The following GLIS3 variants were observed in gnomAD, a reference collection of about 807,000 sequenced individuals.
GLIS3 encodes the protein GLIS family zinc finger 3, also known as zinc finger protein GLIS3.
Under a neutral mutation model 78.6 loss-of-function variants are expected in GLIS3, and 53 were observed. The observed-to-expected ratio is 0.67, with a 90% CI of 0.54 to 0.85. The LOEUF is 0.85. Ranked by LOEUF, GLIS3 falls within the 40% of genes least tolerant of loss-of-function variation. The pLI, the probability that GLIS3 is intolerant of heterozygous loss-of-function variation, is 0.00. For missense variants in GLIS3, 1,703 were observed against 1,231.1 expected, an observed-to-expected ratio of 1.38 and a Z score of -5.74; for synonymous variants, 684 against 509.9, an observed-to-expected ratio of 1.34 and a Z score of -4.60.
intron 2 of GLIS3, among the ~76,000 whole-genome samples, chr9:4,203,588 C>G (rs1819595631): frequency 6.6e-6 from 1 of 152,008 alleles, no homozygotes; most frequent in African/African-American, 2.4e-5. Flanking sequence ...CCCCACAATC[C>G]CATTACTGGA....
chr9:3,884,884 A>G (rs758723429), intron 7 of GLIS3, among the ~76,000 whole-genome samples: 2 of 152,134 alleles, frequency 1.3e-5, no homozygotes, highest in African/African-American at 4.8e-5. Context: ...AAAACACATA[A>G]AAGTGTTGTG....
rs962183324 is a variant in GLIS3 at position 4,237,203 on chromosome 9, C to T, written c.388+48835G>A. 2.8e-5 allele frequency among the ~76,000 whole-genome samples: 4 copies of T among 145,054 alleles called. No individual in the cohort carries two copies. In the Admixed American group the frequency reaches 2.8e-4, roughly 10 times the overall value. On this transcript the variant is annotated intron_variant, in intron 2 of 10. Transcript: ENST00000381971. ...GTATTATAGCAGGTTATTTAGAATACAGAAAATATCCTTCAAAATAACCTA... is the reference window on the plus strand; with the variant it reads ...GTATTATAGCAGGTTATTTAGAATATAGAAAATATCCTTCAAAATAACCTA...
At chr9:4,216,719 G>C (rs944118591) in intron 2 of GLIS3, among the ~76,000 whole-genome samples, 1 of 152,074 alleles carries the variant, frequency 6.6e-6, no homozygotes, top group African/African-American at 2.4e-5. Context: ...ATGTGGCCTA[G>C]GATTCAGGTT....
chr9:4,051,563 G>C (rs901275216), intron 4 of GLIS3, among the ~76,000 whole-genome samples: 1 of 152,148 alleles, frequency 6.6e-6, no homozygotes, highest in African/African-American at 2.4e-5. Flanking sequence ...GGCCTAACTA[G>C]TATTTTATTC....
chr9:3,915,462 G>A (rs367558280), intron 6 of GLIS3, among the ~76,000 whole-genome samples: 1 of 152,074 alleles, frequency 6.6e-6, no homozygotes, highest in East Asian at 1.9e-4. Context: ...AAACAAGACC[G>A]GGTCAAGAGG....
intron 2 of GLIS3, among the ~76,000 whole-genome samples, chr9:4,218,707 T>A (rs1376030332): frequency 5.3e-5 from 8 of 152,250 alleles, no homozygotes; most frequent in Non-Finnish European, 2.9e-5. Flanking sequence ...TTTTTATGTT[T>A]ATTAATTTTG....
chr9:3,838,648 T>A (rs1818516287), intron 9 of GLIS3, among the ~76,000 whole-genome samples: 1 of 152,204 alleles, frequency 6.6e-6, no homozygotes, highest in Non-Finnish European at 1.5e-5. Context: ...AAACACTCCC[T>A]GTCTAGGTTA....
chr9:4,072,762 T>C (rs1489863414), intron 4 of GLIS3, among the ~76,000 whole-genome samples: 7 of 151,972 alleles, frequency 4.6e-5, no homozygotes, highest in African/African-American at 1.7e-4. Flanking sequence ...TTGTTGTTGT[T>C]ATATCACTGT....
chr9:4,168,721 T>C (rs1816103613), intron 2 of GLIS3, among the ~76,000 whole-genome samples: 2 of 152,214 alleles, frequency 1.3e-5, no homozygotes, highest in Non-Finnish European at 2.9e-5. Flanking sequence ...CTTTCAACAA[T>C]GCCAAATACT....
the GLIS3 span, among the ~76,000 whole-genome samples, chr9:4,438,851 A>C: frequency 6.6e-6 from 1 of 152,166 alleles, no homozygotes; most frequent in Non-Finnish European, 1.5e-5. Context: ...TGGAACTGTG[A>C]GTCTATTAAA....
rs1196188240 is a variant in GLIS3, at chr9:4,200,349, G to C, written c.389-74408C>G. Among the ~76,000 whole-genome samples the C allele has an allele frequency of 2.6e-5, 4 of 151,582 alleles. No homozygotes were observed. The East Asian group carries it at 7.7e-4, about 29-fold the overall frequency. On this transcript the variant is annotated intron_variant, in intron 2 of 10. Coordinates refer to ENST00000381971, the MANE Select transcript of GLIS3 (RefSeq NM_001042413.2). ...AAATTGAGACCCAGAAATCCATAAA[G>C]AATCAGCAAAATCAAAAGTTGTTTT...
intron 4 of GLIS3, among the ~76,000 whole-genome samples, chr9:4,050,277 G>A (rs931186746): frequency 5.9e-5 from 9 of 152,166 alleles, no homozygotes; most frequent in African/African-American, 9.7e-5. Context: ...ACAGAAAAGG[G>A]TGAGTTCATG....
chr9:4,067,238 A>T (rs1827178486), intron 4 of GLIS3, among the ~76,000 whole-genome samples: 1 of 151,676 alleles, frequency 6.6e-6, no homozygotes, highest in Non-Finnish European at 1.5e-5. Flanking sequence ...AAAGTATAAT[A>T]GAAAGTATAA....
At chr9:4,342,077 T>C (rs1391946596) in intron 2 of GLIS3, among the ~76,000 whole-genome samples, 2 of 152,248 alleles carry the variant, frequency 1.3e-5, no homozygotes, top group African/African-American at 4.8e-5. Flanking sequence ...TAGTTTCTTT[T>C]GCTGTGCAGA....
intron 4 of GLIS3, among the ~76,000 whole-genome samples, chr9:4,030,340 G>T (rs1328169697): frequency 6.6e-6 from 1 of 152,016 alleles, no homozygotes; most frequent in East Asian, 1.9e-4. Context: ...ATATATTCTG[G>T]TAGTTAATCC....
intron 4 of GLIS3, among the ~76,000 whole-genome samples, chr9:3,943,575 G>A (rs1427082992): frequency 2.0e-5 from 3 of 152,204 alleles, no homozygotes; most frequent in Non-Finnish European, 2.9e-5. Context: ...GTTGTCCCTG[G>A]TTAATTTGAG....
At chr9:4,254,061 C>T (rs1287019165) in intron 2 of GLIS3, among the ~76,000 whole-genome samples, 1 of 152,178 alleles carries the variant, frequency 6.6e-6, no homozygotes, top group Non-Finnish European at 1.5e-5. Context: ...TCTTGCCAGC[C>T]ACCTCGAGGA....
chr9:4,327,305 T>G (rs1025509483), intron 2 of GLIS3, among the ~76,000 whole-genome samples: 2 of 152,182 alleles, frequency 1.3e-5, no homozygotes, highest in East Asian at 1.9e-4. Flanking sequence ...TAGGGCCATG[T>G]TGTATTCAGA....
At chr9:4,069,777 C>G (rs1827432153) in intron 4 of GLIS3, among the ~76,000 whole-genome samples, 1 of 152,010 alleles carries the variant, frequency 6.6e-6, no homozygotes, top group African/African-American at 2.4e-5. Context: ...TGCCAAAGCT[C>G]TTTTATGAAA....
Sources: gnomAD v4.1 joint callset for allele counts (sites outside exome capture counted in the v4.1 genomes callset) on GRCh38, gnomAD v4.1.1 for gene constraint, MANE v1.5 for transcripts, NCBI Gene and HGNC (gene_info 2026-07-23, HGNC 2026-07-21) for gene names.